Variants in GALNT8 observed in about 807,000 individuals in gnomAD.
GALNT8 encodes polypeptide N-acetylgalactosaminyltransferase 8.
In GALNT8, 66 loss-of-function variants were observed where a neutral mutation model predicts 62.7. The observed-to-expected ratio is 1.05, with a 90% CI of 0.86 to 1.29. GALNT8 has a LOEUF of 1.29. Ranked by LOEUF, GALNT8 falls within the 50% of genes most tolerant of loss-of-function variation. The pLI, the probability that GALNT8 is intolerant of heterozygous loss-of-function variation, is 0.00. For synonymous variants in GALNT8, 288 were observed against 294.3 expected (o/e 0.98, Z 0.22); for missense variants, 771 against 791.8 (o/e 0.97, Z 0.32).
In GALNT8 at chr12:4,739,248, C is replaced by T. The variant is rs181113647; in HGVS notation, c.595C>T (p.Arg199Trp). 34 of 1,612,580 alleles carry T rather than the reference C, an allele frequency of 2.1e-5. No homozygotes were observed. Among genetic ancestry groups the T allele is most frequent in the Admixed American group, 8.3e-5 (5 of 60,016 alleles). ...GAATGAAGCTCTGTCCATTATACAA[C>T]GGGCCATCACCAGTATCATCAACCG... ...FVNEALSIIQ[R>W]AITSIINRTP... The change falls in exon 3 of 11, where the codon CGG (arginine) becomes TGG (tryptophan). Residue 199 changes from arginine to tryptophan, a missense_variant. Coordinates refer to ENST00000252318, the MANE Select transcript of GALNT8 (RefSeq NM_017417.2).
intron 2 of GALNT8, among the ~76,000 whole-genome samples, chr12:4,736,562 G>A (rs1443970370): frequency 6.7e-6 from 1 of 150,118 alleles, no homozygotes; most frequent in Non-Finnish European, 1.5e-5. Flanking sequence ...CCCCTGGGTA[G>A]CCAGGCTAAA....
intron 7 of GALNT8, among the ~76,000 whole-genome samples, chr12:4,762,448 A>C (rs1286485757): frequency 2.6e-5 from 4 of 152,262 alleles, no homozygotes; most frequent in Non-Finnish European, 4.4e-5. Flanking sequence ...CTTCTAAAAA[A>C]GTCTCTTTTA....
At chr12:4,768,489 T>C (rs1217742084) in intron 10 of GALNT8, 1 of 358,308 alleles carries the variant, frequency 2.8e-6, no homozygotes, top group Non-Finnish European at 5.6e-6. Flanking sequence ...ATTTTGAAGG[T>C]TGCCTTGCCA....
intron 10 of GALNT8, among the ~76,000 whole-genome samples, chr12:4,769,484 A>C (rs1345140815): frequency 6.6e-6 from 1 of 152,228 alleles, no homozygotes; most frequent in Non-Finnish European, 1.5e-5. Context: ...ACAGTGAAAC[A>C]CAAGGAAAAA....
At chr12:4,762,721 A>G (rs912609282) in intron 7 of GALNT8, among the ~76,000 whole-genome samples, 3 of 152,262 alleles carry the variant, frequency 2.0e-5, no homozygotes, top group African/African-American at 7.2e-5. Context: ...AGGCTATCAG[A>G]AAAAGACTCA....
chr12:4,771,765 G>T (rs1191363603), intron 10 of GALNT8, among the ~76,000 whole-genome samples: 1 of 152,170 alleles, frequency 6.6e-6, no homozygotes, highest in Non-Finnish European at 1.5e-5. Flanking sequence ...GCAGGACCAG[G>T]AGAGACGGTA....
chr12:4,765,403 G>T lies in GALNT8; in HGVS notation c.1618G>T (p.Glu540Ter), dbSNP rs1177060568. ...GAATGTCTACTATCACCTAACTGGG[G>T]AGCTCTATGTGGGACAACTGATTGC... is the stretch of plus-strand genomic sequence containing the variant. Reference protein sequence around the residue: ...SQNVYYHLTGELYVGQLIAEA... With the variant: ...SQNVYYHLTG The change falls in exon 10 of 11, where the codon GAG becomes TAG. Residue 540 changes from glutamate (E) to a stop codon, truncating the protein, a stop_gained. Transcript: ENST00000252318. LOFTEE classifies it high-confidence loss of function. The T allele has an allele frequency of 1.3e-6, 2 of 1,557,330 alleles. No homozygotes were observed. Among genetic ancestry groups the T allele is most frequent in the Non-Finnish European group, 8.8e-7 (1 of 1,139,692 alleles).
chr12:4,735,119 G>A (rs1946238733), intron 2 of GALNT8, among the ~76,000 whole-genome samples: 1 of 152,210 alleles, frequency 6.6e-6, no homozygotes, highest in Non-Finnish European at 1.5e-5. Context: ...ACTACTTGAA[G>A]TTTTTAAAAA....
chr12:4,750,364 G>A (rs770372813), intron 6 of GALNT8, among the ~76,000 whole-genome samples: 12 of 151,724 alleles, frequency 7.9e-5, no homozygotes, highest in Non-Finnish European at 1.3e-4. Context: ...CCTCCAAAAG[G>A]CCTCAGCGTG....
At position 4,772,678 on chromosome 12, in the gene GALNT8, C is replaced by A; in HGVS notation, c.*81C>A. On this transcript the variant is annotated 3_prime_UTR_variant, in exon 11 of 11. Coordinates refer to ENST00000252318, the MANE Select transcript of GALNT8 (RefSeq NM_017417.2). ...CTCCTAACACTCCCAGCTTCTTTCT[C>A]AATGAGAAAGAAAGCATGTGTATGT... 2.7e-6 allele frequency: 3 copies of A among 1,126,790 alleles called. No homozygotes were observed. The highest frequency in any genetic ancestry group is 1.9e-5 in the Admixed American group (1 of 52,902). The allele number at this position is 1,126,790 out of a possible 1,614,324, so 69.8% of individuals were successfully genotyped here. A position where few individuals can be genotyped will look rare whatever the true frequency, so the allele number is the denominator to read the frequency against.
At chr12:4,730,132 G>T (rs1364779716) in intron 2 of GALNT8, among the ~76,000 whole-genome samples, 1 of 151,818 alleles carries the variant, frequency 6.6e-6, no homozygotes, top group African/African-American at 2.4e-5. Flanking sequence ...TAAATATATG[G>T]TTTGCAAATA....
chr12:4,720,905 A>G lies in GALNT8; in HGVS notation c.211+17A>G, dbSNP rs1446660196. On this transcript the variant is annotated intron_variant, in intron 1 of 10. Coordinates refer to ENST00000252318, the MANE Select transcript of GALNT8 (RefSeq NM_017417.2). Reference sequence around the variant, plus strand: ...AGGATCTGAGTAAGTTTACAATGCTAACCTGGAAGGTGTGTGTGTGGGTGT... The same window carrying G: ...AGGATCTGAGTAAGTTTACAATGCTGACCTGGAAGGTGTGTGTGTGGGTGT... 1 of 1,468,390 alleles carries G rather than the reference A, an allele frequency of 6.8e-7. No homozygotes were observed. The highest frequency in any genetic ancestry group is 1.4e-5 in the African/African-American group (1 of 72,008). 91.0% of individuals were successfully genotyped at this position (1,468,390 alleles called of 1,614,324 possible). A position where few individuals can be genotyped will look rare whatever the true frequency, so the allele number is the denominator to read the frequency against.
chr12:4,744,837 A>T (rs1393437426), intron 4 of GALNT8, 137 bp downstream of exon 4: 2 of 591,898 alleles, frequency 3.4e-6, no homozygotes, highest in African/African-American at 3.8e-5. Context: ...CCAAAACAGC[A>T]TGCTTTTATG....
At chr12:4,759,308 G>C (rs1275001752) in intron 6 of GALNT8, among the ~76,000 whole-genome samples, 1 of 151,974 alleles carries the variant, frequency 6.6e-6, no homozygotes, top group Non-Finnish European at 1.5e-5. Flanking sequence ...GATAATGAAA[G>C]AAAATGTGCA....
At chr12:4,761,371 G>T (rs896827093) in intron 7 of GALNT8, among the ~76,000 whole-genome samples, 2 of 152,126 alleles carry the variant, frequency 1.3e-5, no homozygotes, top group Non-Finnish European at 2.9e-5. Flanking sequence ...GTAGGGGATA[G>T]GTTTTATTTT....
At position 4,726,782 on chromosome 12, in the gene GALNT8, C is replaced by A. The variant is rs920394667; in HGVS notation, c.462C>A (p.Ser154Arg). 6.2e-7 allele frequency: 1 copy of A among 1,613,858 alleles called. No homozygotes were observed. The highest frequency in any genetic ancestry group is 1.3e-5 in the African/African-American group (1 of 74,876). Reference protein sequence around the residue: ...FRKFGYNAYLSNQLPLNRTIP... With the variant: ...FRKFGYNAYLRNQLPLNRTIP... ...AGTTTGGTTACAACGCGTACCTCAG[C>A]AACCAGCTGCCTCTCAATCGCACCA... Residue 154 changes from serine to arginine, a missense_variant, in exon 2 of 11, where the codon AGC becomes AGA. Transcript: ENST00000252318. The surrounding 1 kb of genome is among the most constrained non-coding windows in gnomAD (Gnocchi z 4.1).
chr12:4,771,617 A>T (rs1215814640), intron 10 of GALNT8, among the ~76,000 whole-genome samples: 1 of 152,128 alleles, frequency 6.6e-6, no homozygotes, highest in African/African-American at 2.4e-5. Context: ...CATCAGAATG[A>T]ATGTTATGCA....
rs529535333 is a variant in GALNT8, at chr12:4,748,213, T to C, written c.1173+1955T>C. Among the ~76,000 whole-genome samples, 6 of 152,290 alleles carry C rather than the reference T, an allele frequency of 3.9e-5. No individual in the cohort carries two copies. The East Asian group carries it at 9.6e-4, about 24-fold the overall frequency. On this transcript the variant is annotated intron_variant, in intron 6 of 10. Coordinates refer to ENST00000252318, the MANE Select transcript of GALNT8 (RefSeq NM_017417.2). ...ATTGTATCTTTTGCGGTGCAGAAGC[T>C]TTTTAACTTGATGTTATTCCATTTG...
In GALNT8 at chr12:4,726,917, G is replaced by A. The variant is rs1283278085; in HGVS notation, c.509+88G>A. On this transcript the variant is annotated intron_variant, in intron 2 of 10. Transcript: ENST00000252318. The surrounding 1 kb of genome is among the most constrained non-coding windows in gnomAD (Gnocchi z 4.1). ...GCAGTGAACATTGAAGGCTGGGGGA[G>A]TGGGGGATTGTTGGGGAAGGGGTTC... 2 of 1,144,410 alleles carry A rather than the reference G, an allele frequency of 1.7e-6. No individual in the cohort carries two copies. Among genetic ancestry groups the A allele is most frequent in the African/African-American group, 1.5e-5 (1 of 64,874 alleles). 70.9% of individuals were successfully genotyped at this position (1,144,410 alleles called of 1,614,324 possible).
Sources: allele counts gnomAD v4.1 joint callset (sites outside exome capture counted in the v4.1 genomes callset), GRCh38; gene constraint gnomAD v4.1.1; non-coding constraint Gnocchi (gnomAD v3.1); transcripts MANE v1.5; gene names NCBI Gene and HGNC (gene_info 2026-07-23, HGNC 2026-07-21).